Variants in KCTD1 observed in about 807,000 individuals in gnomAD.
KCTD1 encodes the protein potassium channel tetramerization domain containing 1.
KCTD1 carries 24 observed loss-of-function variants against 66.0 expected under a neutral mutation model. The observed-to-expected ratio is 0.36, with a 90% CI of 0.26 to 0.51. The LOEUF is 0.51. Ranked by LOEUF, KCTD1 falls within the 20% of genes least tolerant of loss-of-function variation. The pLI, the probability that KCTD1 is intolerant of heterozygous loss-of-function variation, is 0.95. For missense variants in KCTD1, 943 were observed against 1,205.2 expected (o/e 0.78, Z 3.22); for synonymous variants, 511 against 517.2 (o/e 0.99, Z 0.16).
At chr18:26,610,647 AAGGG>A (rs1040996352) in intron 1 of KCTD1, among the ~76,000 whole-genome samples, 4 of 149,676 alleles carry the variant, frequency 2.7e-5, no homozygotes, top group Non-Finnish European at 4.4e-5. Context: ...GGAGGGAGAG[AAGGG>A]AGGGAGGGAG....
intron 1 of KCTD1, among the ~76,000 whole-genome samples, chr18:26,625,408 G>A (rs1987478405): frequency 6.6e-6 from 1 of 152,100 alleles, no homozygotes; most frequent in South Asian, 2.1e-4. Context: ...CATAGGGGTG[G>A]TTACCTCCAT....
intron 2 of KCTD1, among the ~76,000 whole-genome samples, chr18:26,485,571 TG>T (rs1372786289): frequency 5.9e-5 from 9 of 152,352 alleles, no homozygotes; most frequent in Non-Finnish European, 1.3e-4. Flanking sequence ...CTAGGGTAAA[TG>T]GCTATTTGTC....
At position 26,476,941 on chromosome 18, in the gene KCTD1, T is replaced by C. The variant is rs1327843344; in HGVS notation, c.1989-282A>G. 1.3e-5 allele frequency: 4 copies of C among 305,178 alleles called. No individual in the cohort carries two copies. In the Admixed American group the frequency reaches 2.1e-4, roughly 16 times the overall value. 18.9% of individuals were successfully genotyped at this position (305,178 alleles called of 1,614,324 possible). A position where few individuals can be genotyped will look rare whatever the true frequency, so the allele number is the denominator to read the frequency against. Reference sequence around the variant, plus strand: ...TGATTACGGCTAAGTGCTGTCACTGTAATGGAAGATCACATCTTTCCCCGT... The same window carrying C: ...TGATTACGGCTAAGTGCTGTCACTGCAATGGAAGATCACATCTTTCCCCGT... On this transcript the variant is annotated intron_variant, in intron 2 of 4. Coordinates refer to ENST00000580059, the MANE Select transcript of KCTD1 (RefSeq NM_001142730.3). The surrounding 1 kb of genome is among the most constrained non-coding windows in gnomAD (Gnocchi z 4.9).
chr18:26,611,973 C>A (rs915854509), intron 1 of KCTD1, among the ~76,000 whole-genome samples: 1 of 152,176 alleles, frequency 6.6e-6, no homozygotes, highest in Non-Finnish European at 1.5e-5. Context: ...TGAAGCAAGA[C>A]TTTCCTTAGT....
intron 1 of KCTD1, among the ~76,000 whole-genome samples, chr18:26,614,607 T>G (rs143435325): frequency 1.2e-4 from 18 of 152,266 alleles, no homozygotes; most frequent in Non-Finnish European, 2.4e-4. Context: ...CTGTGTGGGT[T>G]TGTGAAGATG....
rs1985081284 is a variant in KCTD1 at position 26,543,688 on chromosome 18, T to C, written c.1809+3040A>G. The stretch of plus-strand genomic sequence containing the variant: ...AGGGGATGTGTACCAGCCCCCAAAA[T>C]CTTTCCACTAATAGATGTCCTCTCT... On this transcript the variant is annotated intron_variant, in intron 1 of 4. Transcript: ENST00000580059. The C allele has an allele frequency of 2.0e-5, 3 of 152,216 alleles. No individual in the cohort carries two copies. In the South Asian group the frequency reaches 6.2e-4, roughly 31 times the overall value. The allele number at this position is 152,216 out of a possible 1,614,324, so 9.4% of individuals were successfully genotyped here.
At chr18:26,542,655 T>C (rs1288586669) in intron 1 of KCTD1, among the ~76,000 whole-genome samples, 1 of 152,186 alleles carries the variant, frequency 6.6e-6, no homozygotes, top group Non-Finnish European at 1.5e-5. Flanking sequence ...TCTTCCTGCT[T>C]GAAAACTACT....
In KCTD1 at chr18:26,461,934, T is replaced by C. The variant is rs1429025549; in HGVS notation, c.2134-2009A>G. Among the ~76,000 whole-genome samples the C allele has an allele frequency of 3.3e-5, 5 of 152,100 alleles. No individual in the cohort carries two copies. The South Asian group carries it at 8.3e-4, about 25-fold the overall frequency. ...AGTCTTGAGACCAGCCTGGCCAACA[T>C]GACGAAACCCCGTCTCTACTAAAAA... is the stretch of plus-strand genomic sequence containing the variant. On this transcript the variant is annotated intron_variant, in intron 3 of 4. Coordinates refer to ENST00000580059, the MANE Select transcript of KCTD1 (RefSeq NM_001142730.3).
At chr18:26,625,642 T>C (rs998448167) in intron 1 of KCTD1, among the ~76,000 whole-genome samples, 4 of 152,226 alleles carry the variant, frequency 2.6e-5, no homozygotes, top group Admixed American at 6.5e-5. Flanking sequence ...CAGTTCTTTA[T>C]AGCAGTGTAA....
At chr18:26,581,779 C>T (rs1222505702) in intron 1 of KCTD1, 1 of 151,982 alleles carries the variant, frequency 6.6e-6, no homozygotes, top group Non-Finnish European at 1.5e-5. Context: ...ATGAATATAA[C>T]ACAACACCTA....
intron 1 of KCTD1, among the ~76,000 whole-genome samples, chr18:26,597,829 T>G (rs113650467): frequency 0.034 from 5,162 of 152,182 alleles, 296 homozygotes; most frequent in African/African-American, 0.12. Context: ...AATTTTTGTA[T>G]TTTTAGTAGA....
chr18:26,506,915 C>T (rs1983068422), intron 1 of KCTD1, among the ~76,000 whole-genome samples: 1 of 152,052 alleles, frequency 6.6e-6, no homozygotes, highest in South Asian at 2.1e-4. Context: ...CCTGTAATTC[C>T]AGCACTTTGG....
At chr18:26,601,471 TG>T (rs1381936223) in intron 1 of KCTD1, among the ~76,000 whole-genome samples, 1 of 152,178 alleles carries the variant, frequency 6.6e-6, no homozygotes, top group Non-Finnish European at 1.5e-5. Flanking sequence ...TTATGATTAC[TG>T]GAGCATTTAT....
At chr18:26,480,149 C>T (rs1358353469) in intron 2 of KCTD1, among the ~76,000 whole-genome samples, 2 of 146,724 alleles carry the variant, frequency 1.4e-5, no homozygotes, top group African/African-American at 5.1e-5. Context: ...ACTATTTTAA[C>T]TATTTTTTTT....
rs1267973037 is a variant in KCTD1, at chr18:26,548,379, G to C, written c.158C>G (p.Ala53Gly). 1.4e-6 allele frequency: 2 copies of C among 1,472,368 alleles called. No homozygotes were observed. The highest frequency in any genetic ancestry group is 2.9e-5 in the African/African-American group (2 of 69,510). The allele number at this position is 1,472,368 out of a possible 1,614,324, so 91.2% of individuals were successfully genotyped here. ...CTCCTCTTCCTCCTCCTCCTCGCCC[G>C]CGCTGCAGTAGTGCGGACGGCTGTG... Reference protein sequence around the residue: ...RRHSRPHYCSAGEEEEEEEEE... With the variant: ...RRHSRPHYCSGGEEEEEEEEE... Residue 53 changes from alanine to glycine, a missense_variant, in exon 1 of 5, where the codon GCG becomes GGG. Coordinates refer to ENST00000580059, the MANE Select transcript of KCTD1 (RefSeq NM_001142730.3).
intron 1 of KCTD1, among the ~76,000 whole-genome samples, chr18:26,569,368 G>C (rs1986051591): frequency 6.6e-6 from 1 of 152,188 alleles, no homozygotes; most frequent in South Asian, 2.1e-4. Context: ...GGGGCTCTGA[G>C]AAATAATCTT....
upstream of KCTD1, among the ~76,000 whole-genome samples, chr18:26,552,592 A>C (rs1323701094): frequency 2.6e-5 from 4 of 152,252 alleles, no homozygotes; most frequent in African/African-American, 9.6e-5. Flanking sequence ...AATGAATTTA[A>C]TGGCTGCTTT....
chr18:26,601,042 G>C (rs1986883425), intron 1 of KCTD1, among the ~76,000 whole-genome samples: 1 of 152,086 alleles, frequency 6.6e-6, no homozygotes. Flanking sequence ...TCCATGCTCA[G>C]TTTGGACCAT....
chr18:26,530,440 A>G (rs1386157644), intron 1 of KCTD1, among the ~76,000 whole-genome samples: 1 of 152,212 alleles, frequency 6.6e-6, no homozygotes, highest in Admixed American at 6.5e-5. Context: ...TAGACCCGAA[A>G]CACGGAAGAG....
Sources: allele counts gnomAD v4.1 joint callset (sites outside exome capture counted in the v4.1 genomes callset), GRCh38; gene constraint gnomAD v4.1.1; non-coding constraint Gnocchi (gnomAD v3.1); transcripts MANE v1.5; gene names NCBI Gene and HGNC (gene_info 2026-07-23, HGNC 2026-07-21).